Variants in RBFOX1 observed in about 807,000 individuals in gnomAD.
RBFOX1 encodes the protein RNA binding fox-1 homolog 1.
A neutral mutation model predicts 57.7 loss-of-function variants in RBFOX1; 8 were observed. The ratio of observed to expected loss-of-function variants is 0.14; its 90% CI spans 0.08 to 0.25. The LOEUF (loss-of-function observed/expected upper bound fraction) is 0.25, where lower values mean the gene tolerates loss of function less well. RBFOX1 is among the 10% of genes least tolerant of loss of function. RBFOX1 has a pLI of 1.00. For missense variants in RBFOX1, 611 were observed against 548.5 expected (o/e 1.11, Z -1.14); for synonymous variants, 326 against 222.4 (o/e 1.47, Z -4.15).
intron 2 of RBFOX1, among the ~76,000 whole-genome samples, chr16:6,627,729 C>A (rs964789189): frequency 2.0e-5 from 3 of 152,296 alleles, no homozygotes; most frequent in South Asian, 2.1e-4. Flanking sequence ...GTCATCCCCC[C>A]TCTGAGGCCG....
chr16:6,830,150 C>G (rs2092601106), intron 3 of RBFOX1, among the ~76,000 whole-genome samples: 1 of 150,658 alleles, frequency 6.6e-6, no homozygotes, highest in South Asian at 2.1e-4. Context: ...TTCCTGACCT[C>G]AGGTGATCTG....
At chr16:7,237,592 C>G (rs1011854873) in intron 4 of RBFOX1, among the ~76,000 whole-genome samples, 2 of 152,208 alleles carry the variant, frequency 1.3e-5, no homozygotes, top group African/African-American at 2.4e-5. Context: ...AACTCTGCCT[C>G]TTTCAGTATA....
chr16:5,325,190 T>G (rs1294380187), intron 1 of RBFOX1, among the ~76,000 whole-genome samples: 2 of 152,112 alleles, frequency 1.3e-5, no homozygotes, highest in East Asian at 3.9e-4. Context: ...CTTCTTCTCT[T>G]CCTCTTTTCT....
chr16:5,666,545 A>G (rs969847713), intron 3 of RBFOX1, among the ~76,000 whole-genome samples: 5 of 152,210 alleles, frequency 3.3e-5, no homozygotes, highest in African/African-American at 1.2e-4. Context: ...TTCTGTTGGA[A>G]CAGATAGATG....
intron 4 of RBFOX1, among the ~76,000 whole-genome samples, chr16:7,303,648 C>T (rs992743965): frequency 6.6e-6 from 1 of 152,148 alleles, no homozygotes; most frequent in African/African-American, 2.4e-5. Context: ...CCCCTGGACC[C>T]ATTTGACAAA....
intron 4 of RBFOX1, among the ~76,000 whole-genome samples, chr16:7,342,746 G>C (rs965894312): frequency 6.6e-6 from 1 of 152,004 alleles, no homozygotes; most frequent in African/African-American, 2.4e-5. Flanking sequence ...ATGGCTCTGG[G>C]TGGTGTGAAA....
At chr16:6,970,876 A>G (rs920646721) in intron 3 of RBFOX1, among the ~76,000 whole-genome samples, 1 of 152,212 alleles carries the variant, frequency 6.6e-6, no homozygotes, top group Non-Finnish European at 1.5e-5. Context: ...CTAGTAAGAG[A>G]CAACTGCAGT....
chr16:6,289,268 G>A (rs540825810), intron 1 of RBFOX1, among the ~76,000 whole-genome samples: 1 of 152,064 alleles, frequency 6.6e-6, no homozygotes, highest in South Asian at 2.1e-4. Flanking sequence ...AGGATGGAAA[G>A]GTTTGGAAGG....
At chr16:5,891,929 C>T (rs1329086362) in intron 4 of RBFOX1, among the ~76,000 whole-genome samples, 1 of 152,180 alleles carries the variant, frequency 6.6e-6, no homozygotes, top group African/African-American at 2.4e-5. Context: ...TCAGTGAGAT[C>T]AACAAGAAGA....
At chr16:6,073,132 C>T (rs1243915676) in intron 1 of RBFOX1, among the ~76,000 whole-genome samples, 1 of 152,136 alleles carries the variant, frequency 6.6e-6, no homozygotes, top group Admixed American at 6.6e-5. Flanking sequence ...GAATTAGTTA[C>T]ATACCCTAAT....
At chr16:6,021,301 C>A (rs1239716126) in intron 1 of RBFOX1, among the ~76,000 whole-genome samples, 1 of 152,128 alleles carries the variant, frequency 6.6e-6, no homozygotes, top group Non-Finnish European at 1.5e-5. Context: ...TTCCCTGCCC[C>A]CTGTCCTAGT....
At chr16:7,125,964 T>C (rs1331125523) in intron 4 of RBFOX1, among the ~76,000 whole-genome samples, 1 of 152,114 alleles carries the variant, frequency 6.6e-6, no homozygotes, top group East Asian at 1.9e-4. Context: ...ACACCCGTAA[T>C]CCCAGCTGCT....
At chr16:6,381,054 G>T (rs1415002789) in intron 2 of RBFOX1, among the ~76,000 whole-genome samples, 1 of 152,218 alleles carries the variant, frequency 6.6e-6, no homozygotes, top group African/African-American at 2.4e-5. Flanking sequence ...TCAGAGAGGA[G>T]ATGCCTGTCA....
At chr16:7,451,637 A>AGTCC (rs2098859991) in intron 4 of RBFOX1, among the ~76,000 whole-genome samples, 1 of 152,170 alleles carries the variant, frequency 6.6e-6, no homozygotes, top group Non-Finnish European at 1.5e-5. Flanking sequence ...TAACATTTTG[A>AGTCC]AATTAAACCT....
At chr16:6,574,754 A>G (rs147792986) in intron 2 of RBFOX1, among the ~76,000 whole-genome samples, 6 of 140,348 alleles carry the variant, frequency 4.3e-5, no homozygotes, top group East Asian at 2.5e-4. Context: ...ACCAGCAACC[A>G]CGGGCTGGGC....
chr16:6,066,507 G>C (rs1316248202), intron 1 of RBFOX1, among the ~76,000 whole-genome samples: 5 of 152,044 alleles, frequency 3.3e-5, no homozygotes, highest in African/African-American at 1.2e-4. Flanking sequence ...ATGCAGTAAG[G>C]TGGTTATGCA....
At chr16:7,695,638 C>G (rs573506225) in intron 14 of RBFOX1, among the ~76,000 whole-genome samples, 2 of 111,454 alleles carry the variant, frequency 1.8e-5, no homozygotes, top group East Asian at 2.7e-4. Context: ...GACGACAGAG[C>G]AAGCCTCCAT....
At chr16:6,383,954 G>A (rs2092045781) in intron 2 of RBFOX1, among the ~76,000 whole-genome samples, 1 of 151,846 alleles carries the variant, frequency 6.6e-6, no homozygotes, top group Non-Finnish European at 1.5e-5. Context: ...GGAAAAAAAA[G>A]AGAACAATTT....
intron 11 of RBFOX1, among the ~76,000 whole-genome samples, chr16:7,650,867 C>T (rs2064899649): frequency 6.6e-6 from 1 of 152,186 alleles, no homozygotes; most frequent in Admixed American, 6.5e-5. Context: ...CACTCATTTT[C>T]TCCCCAGTCC....
Sources: gnomAD v4.1 joint callset for allele counts (sites outside exome capture counted in the v4.1 genomes callset) on GRCh38, gnomAD v4.1.1 for gene constraint, MANE v1.5 for transcripts, NCBI Gene and HGNC (gene_info 2026-07-23, HGNC 2026-07-21) for gene names.